The following RANBP2 variants were observed in gnomAD, a reference collection of about 807,000 sequenced individuals.
RANBP2 encodes the protein E3 SUMO-protein ligase RanBP2.
In RANBP2, 57 loss-of-function variants were observed where a neutral mutation model predicts 303.6. The ratio of observed to expected loss-of-function variants is 0.19; its 90% confidence interval spans 0.15 to 0.23. RANBP2 has a LOEUF of 0.23. RANBP2 is among the 10% of genes least tolerant of loss of function. RANBP2 has a pLI of 1.00. For missense variants in RANBP2, 3,138 were observed against 3,780.8 expected (o/e 0.83, Z 4.46); for synonymous variants, 1,167 against 1,301.5 (o/e 0.90, Z 2.23).
the RANBP2 span, among the ~76,000 whole-genome samples, chr2:109,575,407 A>G: frequency 6.6e-6 from 1 of 152,374 alleles, no homozygotes; most frequent in East Asian, 1.9e-4. Context: ...TCTAACTAGT[A>G]ATGGTGGCAC....
the RANBP2 span, among the ~76,000 whole-genome samples, chr2:109,220,913 C>G: frequency 6.6e-6 from 1 of 152,184 alleles, no homozygotes; most frequent in Non-Finnish European, 1.5e-5. Flanking sequence ...CAGTTCTATT[C>G]CTAGGCTTAT....
the RANBP2 span, among the ~76,000 whole-genome samples, chr2:109,478,815 G>A: frequency 3.9e-5 from 6 of 152,264 alleles, no homozygotes; most frequent in Non-Finnish European, 8.8e-5. Flanking sequence ...AATGAAACCC[G>A]CTCCAGTTAC....
the RANBP2 span, among the ~76,000 whole-genome samples, chr2:109,512,686 C>G: frequency 6.6e-6 from 1 of 152,114 alleles, no homozygotes; most frequent in Non-Finnish European, 1.5e-5. Context: ...GAAAGAGAAG[C>G]CGGGCAGGCT....
the RANBP2 span, among the ~76,000 whole-genome samples, chr2:109,038,558 G>A: frequency 6.6e-6 from 1 of 151,952 alleles, no homozygotes; most frequent in Non-Finnish European, 1.5e-5. Flanking sequence ...CCCAAATTTT[G>A]CCCCGTGAAA....
chr2:108,904,492 C>T, the RANBP2 span, among the ~76,000 whole-genome samples: 1 of 152,240 alleles, frequency 6.6e-6, no homozygotes, highest in East Asian at 1.9e-4. Context: ...CGACTGATGT[C>T]CACACAAAAA....
the RANBP2 span, among the ~76,000 whole-genome samples, chr2:109,209,030 G>T: frequency 4.6e-5 from 7 of 152,200 alleles, no homozygotes; most frequent in African/African-American, 1.7e-4. Flanking sequence ...GAGTGGCAGT[G>T]CTGGCCCCAG....
At chr2:108,909,862 G>A in the RANBP2 span, among the ~76,000 whole-genome samples, 16 of 152,360 alleles carry the variant, frequency 1.1e-4, no homozygotes, top group Admixed American at 7.2e-4. Flanking sequence ...TTGGGAGCCT[G>A]GACTCGGACC....
chr2:109,450,744 G>A, the RANBP2 span, among the ~76,000 whole-genome samples: 4 of 152,228 alleles, frequency 2.6e-5, no homozygotes, highest in Admixed American at 2.0e-4. Context: ...TGCACTGCCT[G>A]AGGCTGTATC....
At chr2:108,911,660 C>T in the RANBP2 span, among the ~76,000 whole-genome samples, 3 of 152,164 alleles carry the variant, frequency 2.0e-5, no homozygotes, top group Admixed American at 1.3e-4. Flanking sequence ...AGGTTAATGT[C>T]GACCCTGGAT....
the RANBP2 span, among the ~76,000 whole-genome samples, chr2:109,705,645 G>T: frequency 3.9e-5 from 6 of 152,200 alleles, no homozygotes; most frequent in South Asian, 2.1e-4. Flanking sequence ...CCAGGGCGTT[G>T]TGTGGAGCCA....
chr2:108,824,118 G>A, the RANBP2 span, among the ~76,000 whole-genome samples: 13 of 151,984 alleles, frequency 8.6e-5, no homozygotes, highest in Non-Finnish European at 1.8e-4. Flanking sequence ...GCAGGCTACA[G>A]TAAATTTTAT....
the RANBP2 span, among the ~76,000 whole-genome samples, chr2:109,093,297 G>A: frequency 6.7e-6 from 1 of 150,130 alleles, no homozygotes; most frequent in African/African-American, 2.4e-5. Flanking sequence ...TGTTATTTAT[G>A]TAACTTTGTC....
the RANBP2 span, among the ~76,000 whole-genome samples, chr2:108,958,578 G>A: frequency 6.6e-6 from 1 of 152,112 alleles, no homozygotes; most frequent in Non-Finnish European, 1.5e-5. Flanking sequence ...AGGACGGTGG[G>A]AGGGCACCCC....
chr2:109,692,765 G>A, the RANBP2 span, among the ~76,000 whole-genome samples: 2 of 151,808 alleles, frequency 1.3e-5, no homozygotes, highest in Admixed American at 6.5e-5. Flanking sequence ...CATGCGCCTC[G>A]TTCCTCATCT....
chr2:108,897,239 C>CCAAT, the RANBP2 span: 7 of 1,611,440 alleles, frequency 4.3e-6, no homozygotes, highest in Non-Finnish European at 5.9e-6. Context: ...CCTACAGACA[C>CCAAT]CAATGGCCAC....
chr2:109,365,121 A>T, the RANBP2 span, among the ~76,000 whole-genome samples: 1 of 152,216 alleles, frequency 6.6e-6, no homozygotes, highest in Non-Finnish European at 1.5e-5. Context: ...TTTATCCTGT[A>T]TGTGGATCTT....
At chr2:108,828,315 C>T in the RANBP2 span, among the ~76,000 whole-genome samples, 7 of 151,974 alleles carry the variant, frequency 4.6e-5, no homozygotes, top group African/African-American at 9.7e-5. Flanking sequence ...GATTTAATGA[C>T]GTAAAAACAT....
the RANBP2 span, among the ~76,000 whole-genome samples, chr2:109,522,295 T>C: frequency 7.9e-5 from 10 of 126,442 alleles, no homozygotes; most frequent in African/African-American, 2.0e-4. Flanking sequence ...AAAAAAAACC[T>C]TTTTTTTTTT....
chr2:109,524,686 A>C, the RANBP2 span, among the ~76,000 whole-genome samples: 2 of 152,026 alleles, frequency 1.3e-5, no homozygotes. Flanking sequence ...CAGAGGTTGC[A>C]GTGAGCTGAG....
Sources: gnomAD v4.1 joint callset for allele counts (sites outside exome capture counted in the v4.1 genomes callset) on GRCh38, gnomAD v4.1.1 for gene constraint, MANE v1.5 for transcripts, NCBI Gene and HGNC (gene_info 2026-07-23, HGNC 2026-07-21) for gene names.